The following PALM variants were observed in gnomAD, a reference collection of about 807,000 sequenced individuals.
The protein encoded by PALM is paralemmin, also known as paralemmin-1.
A neutral mutation model predicts 30.7 loss-of-function variants in PALM; 18 were observed. The observed-to-expected ratio is 0.59, with a 90% CI of 0.41 to 0.87. PALM has a LOEUF of 0.87. Among genes scored for constraint, PALM ranks in the 40% least tolerant of loss-of-function variants. The pLI, the probability that PALM is intolerant of heterozygous loss-of-function variation, is 0.00. For synonymous variants in PALM, 286 were observed against 242.8 expected, an observed-to-expected ratio of 1.18 and a Z score of -1.66; for missense variants, 529 against 555.4, an observed-to-expected ratio of 0.95 and a Z score of 0.48.
intron 7 of PALM, among the ~76,000 whole-genome samples, chr19:736,644 G>A (rs925902438): frequency 3.9e-5 from 6 of 152,132 alleles, no homozygotes; most frequent in African/African-American, 1.4e-4. Context: ...TGCCAGAGGG[G>A]TGGGACCTCA....
intron 1 of PALM, among the ~76,000 whole-genome samples, chr19:721,457 G>C (rs906617630): frequency 6.6e-6 from 1 of 151,718 alleles, no homozygotes; most frequent in African/African-American, 2.4e-5. Context: ...GTAGAGACTG[G>C]GTTTTGCCTT....
intron 1 of PALM, among the ~76,000 whole-genome samples, chr19:722,146 C>T (rs1044204732): frequency 6.6e-6 from 1 of 151,694 alleles, no homozygotes; most frequent in East Asian, 1.9e-4. Context: ...TCTCGATCTC[C>T]TGACCTCGTG....
intron 1 of PALM, chr19:719,522 G>A: frequency 1.0e-6 from 1 of 985,546 alleles, no homozygotes; most frequent in Non-Finnish European, 1.2e-6. Flanking sequence ...GCTGCCGGGA[G>A]CCAGGGAGGC....
At chr19:734,243 CAG>C in intron 6 of PALM, 49 bp downstream of exon 6, 2 of 1,585,106 alleles carry the variant, frequency 1.3e-6, no homozygotes, top group East Asian at 2.2e-5. Context: ...CTCTGGTGGC[CAG>C]AGAGGGGATG....
chr19:733,589 C>T (rs1266254493), intron 5 of PALM, among the ~76,000 whole-genome samples: 1 of 152,154 alleles, frequency 6.6e-6, no homozygotes, highest in Non-Finnish European at 1.5e-5. Flanking sequence ...AGGAGGATCG[C>T]TTGAGAGCAG....
chr19:737,290 C>T (rs1194989962), intron 7 of PALM, among the ~76,000 whole-genome samples: 1 of 152,234 alleles, frequency 6.6e-6, no homozygotes, highest in African/African-American at 2.4e-5. Flanking sequence ...CCCGCTGATC[C>T]CCGTGGCCAC....
At chr19:725,325 A>G (rs1183204970) in intron 1 of PALM, among the ~76,000 whole-genome samples, 7 of 146,108 alleles carry the variant, frequency 4.8e-5, no homozygotes, top group Admixed American at 1.4e-4. Context: ...TTGGGAGGCC[A>G]AGGCGGGCGG....
rs1396112326 is a variant in PALM at position 742,318 on chromosome 19, C to G, written c.634+1835C>G. 6.6e-6 allele frequency among the ~76,000 whole-genome samples: 1 copy of G among 152,068 alleles called. No individual in the cohort carries two copies. Among genetic ancestry groups the G allele is most frequent in the Non-Finnish European group, 1.5e-5 (1 of 68,004 alleles). Reference sequence around the variant, plus strand: ...CCTGGACATTTCATAGAAATGAGATCACACGGCCGGGTGCGGTGGCTCACA... The same window carrying G: ...CCTGGACATTTCATAGAAATGAGATGACACGGCCGGGTGCGGTGGCTCACA... On this transcript the variant is annotated intron_variant, in intron 8 of 8. Coordinates refer to ENST00000338448, the MANE Select transcript of PALM (RefSeq NM_002579.3). The surrounding 1 kb of genome is among the most constrained non-coding windows in gnomAD (Gnocchi z 5.5).
chr19:722,227 T>C (rs1168789943), intron 1 of PALM, among the ~76,000 whole-genome samples: 2 of 152,146 alleles, frequency 1.3e-5, no homozygotes, highest in Admixed American at 1.3e-4. Context: ...CTTAAATTTT[T>C]ATTTTTGAGA....
intron 7 of PALM, among the ~76,000 whole-genome samples, chr19:736,957 G>T (rs1359211254): frequency 6.6e-6 from 1 of 152,268 alleles, no homozygotes; most frequent in Non-Finnish European, 1.5e-5. Flanking sequence ...GGACGCTGAG[G>T]CAGGAGAATC....
chr19:713,905 TTTC>T (rs2032166757), intron 1 of PALM, among the ~76,000 whole-genome samples: 1 of 126,012 alleles, frequency 7.9e-6, no homozygotes, highest in South Asian at 2.3e-4. Flanking sequence ...TCTTTCTTTC[TTTC>T]TTTTTTTTTT....
intron 5 of PALM, among the ~76,000 whole-genome samples, chr19:733,100 AT>A: frequency 6.6e-6 from 1 of 152,046 alleles, no homozygotes; most frequent in Middle Eastern, 3.4e-3. Context: ...CTAATTTTGT[AT>A]TTTTAGTAGA....
In PALM at chr19:709,981, C is replaced by G. The variant is rs1399376089; in HGVS notation, c.5+830C>G. ...CATTTCGGACACCGGTCCCCTCCTC[C>G]CGGTGCTCGGGTGCCCCTCTGCCCC... On this transcript the variant is annotated intron_variant, in intron 1 of 8. Coordinates refer to ENST00000338448, the MANE Select transcript of PALM (RefSeq NM_002579.3). The surrounding 1 kb of genome is among the most constrained non-coding windows in gnomAD (Gnocchi z 4.3). Among the ~76,000 whole-genome samples the G allele has an allele frequency of 6.6e-6, 1 of 152,172 alleles. No individual in the cohort carries two copies. Among genetic ancestry groups the G allele is most frequent in the East Asian group, 1.9e-4 (1 of 5,182 alleles).
At chr19:730,867 G>GGC (rs2032846861) in intron 4 of PALM, among the ~76,000 whole-genome samples, 1 of 152,066 alleles carries the variant, frequency 6.6e-6, no homozygotes, top group Non-Finnish European at 1.5e-5. Flanking sequence ...TGGGTGTGGT[G>GGC]GTGCACGCCT....
chr19:739,147 C>G (rs528503352), intron 7 of PALM, among the ~76,000 whole-genome samples: 6 of 152,208 alleles, frequency 3.9e-5, no homozygotes, highest in Non-Finnish European at 5.9e-5. Context: ...CAGAGTGGGG[C>G]GAGGTGCTGG....
Position 742,916 on chromosome 19 carries a change from G to A in PALM, c.634+2433G>A, listed in dbSNP as rs568218003. 1.1e-4 allele frequency among the ~76,000 whole-genome samples: 17 copies of A among 152,280 alleles called. No homozygotes were observed. The East Asian group carries it at 2.7e-3, about 24-fold the overall frequency. ...GCTTTCGAGGCCTTTGGGTGTACACGTAGGAGTGAACTGCTGGGTCCTGAG... is the reference window on the plus strand; with the variant it reads ...GCTTTCGAGGCCTTTGGGTGTACACATAGGAGTGAACTGCTGGGTCCTGAG... On this transcript the variant is annotated intron_variant, in intron 8 of 8. Coordinates refer to ENST00000338448, the MANE Select transcript of PALM (RefSeq NM_002579.3). The surrounding 1 kb of genome is among the most constrained non-coding windows in gnomAD (Gnocchi z 5.5).
chr19:719,373 G>C (rs1197548526), intron 1 of PALM: 1 of 985,442 alleles, frequency 1.0e-6, no homozygotes, highest in Non-Finnish European at 1.2e-6. Flanking sequence ...ACTATCTCAC[G>C]CGCTCCAGAC....
intron 8 of PALM, 27 bp downstream of exon 8, chr19:740,510 C>T: frequency 6.5e-7 from 1 of 1,539,286 alleles, no homozygotes; most frequent in South Asian, 1.2e-5. Flanking sequence ...CCCTGCCCTC[C>T]CTCCACCTGG....
rs758084650 is a variant in PALM, at chr19:731,289, C to T, written c.420+44C>T. On this transcript the variant is annotated intron_variant, in intron 5 of 8. Transcript: ENST00000338448. ...GGAGCGGATCCCCAGGCACCCACTC[C>T]CGCTGGCCCCAGAGCGAGGCCCCAG... 4.6e-6 allele frequency: 7 copies of T among 1,532,926 alleles called. No homozygotes were observed. In the South Asian group the frequency reaches 8.4e-5, roughly 18 times the overall value. 95.0% of individuals were successfully genotyped at this position (1,532,926 alleles called of 1,614,324 possible).
Sources: allele counts gnomAD v4.1 joint callset (sites outside exome capture counted in the v4.1 genomes callset), GRCh38; gene constraint gnomAD v4.1.1; non-coding constraint Gnocchi (gnomAD v3.1); transcripts MANE v1.5; gene names NCBI Gene and HGNC (gene_info 2026-07-23, HGNC 2026-07-21).